ZNF491: variants seen among roughly 807,000 people sequenced by gnomAD.
ZNF491 encodes the protein zinc finger protein 491.
A neutral mutation model predicts 34.7 loss-of-function variants in ZNF491; 22 were observed. That is an observed-to-expected ratio of 0.63 (90% CI 0.45 to 0.90). The LOEUF (loss-of-function observed/expected upper bound fraction) is 0.90. Among genes scored for constraint, ZNF491 ranks in the 40% least tolerant of loss-of-function variants. ZNF491 has a pLI of 0.00. For synonymous variants in ZNF491, 148 were observed against 174.3 expected, an observed-to-expected ratio of 0.85 and a Z score of 1.19; for missense variants, 559 against 531.7, an observed-to-expected ratio of 1.05 and a Z score of -0.51.
At position 11,806,433 on chromosome 19, in the gene ZNF491, A is replaced by G; in HGVS notation, c.480A>G (p.Glu160=). The change falls in exon 3 of 3, where the codon GAA becomes GAG. Residue 160 remains glutamate (E), a synonymous_variant. Coordinates refer to ENST00000323169, the MANE Select transcript of ZNF491 (RefSeq NM_152356.4). ...CTCACACTGGAGAGAAACGATATGAATGTAAACAATGTGGTAAAGCCTTCA... is the reference window on the plus strand; with the variant it reads ...CTCACACTGGAGAGAAACGATATGAGTGTAAACAATGTGGTAAAGCCTTCA... The part of the protein sequence containing the change: ...ERTHTGEKRY[E]CKQCGKAFSW... The G allele has an allele frequency of 1.2e-6, 2 of 1,613,352 alleles. No homozygotes were observed. The highest frequency in any genetic ancestry group is 1.3e-5 in the African/African-American group (1 of 74,996).
rs773448469 is a variant in ZNF491 at position 11,807,095 on chromosome 19, A to C, written c.1142A>C (p.Lys381Thr). 6.2e-7 allele frequency: 1 copy of C among 1,609,694 alleles called. No individual in the cohort carries two copies. The highest frequency in any genetic ancestry group is 8.5e-7 in the Non-Finnish European group (1 of 1,178,616). The change falls in exon 3 of 3, where the codon AAA becomes ACA. Residue 381 changes from lysine to threonine, a missense_variant. Lys to Thr is a moderately conservative substitution (Grantham distance 78). Coordinates refer to ENST00000323169, the MANE Select transcript of ZNF491 (RefSeq NM_152356.4). The stretch of plus-strand genomic sequence containing the variant: ...CATGAAAGGACTCACGCTGGAGAAA[A>C]ACCTTATGAATGTAAGCATTGTGGG... ...HRHERTHAGE[K>T]PYECKHCGKA...
At chr19:11,805,409 C>CAAAAA (rs971587205) in intron 2 of ZNF491, among the ~76,000 whole-genome samples, 5 of 48,928 alleles carry the variant, frequency 1.0e-4, no homozygotes, top group East Asian at 5.7e-4. Flanking sequence ...AACTCCGTCT[C>CAAAAA]AAAAAAAAAA....
chr19:11,806,237 G>A lies in ZNF491; in HGVS notation c.284G>A (p.Arg95Lys). 6.2e-7 allele frequency: 1 copy of A among 1,612,262 alleles called. No individual in the cohort carries two copies. Among genetic ancestry groups the A allele is most frequent in the Non-Finnish European group, 8.5e-7 (1 of 1,179,580 alleles). The change falls in exon 3 of 3, where the codon AGG becomes AAG. Residue 95 changes from arginine (R) to lysine (K), a missense_variant. Transcript: ENST00000323169. ...SHSHCFRTHE[R>K]PHTREKPFDC... ...AGCCACTGCTTTCGAACACATGAAAGGCCTCACACTAGAGAGAAACCTTTT... is the reference window on the plus strand; with the variant it reads ...AGCCACTGCTTTCGAACACATGAAAAGCCTCACACTAGAGAGAAACCTTTT...
chr19:11,806,933 A>T lies in ZNF491; in HGVS notation c.980A>T (p.Asp327Val). 1 of 1,613,372 alleles carries T rather than the reference A, an allele frequency of 6.2e-7. No homozygotes were observed. Residue 327 changes from aspartate to valine, a missense_variant, in exon 3 of 3, where the codon GAT becomes GTT. Asp to Val is a radical substitution (Grantham distance 152, BLOSUM62 -3). Coordinates refer to ENST00000323169, the MANE Select transcript of ZNF491 (RefSeq NM_152356.4). ...AGGACTCACACTGGAGAGAAACCCGATGGGTGTAAGCAATGTGGGAAAGCC... is the reference window on the plus strand; with the variant it reads ...AGGACTCACACTGGAGAGAAACCCGTTGGGTGTAAGCAATGTGGGAAAGCC... ...HERTHTGEKP[D>V]GCKQCGKAFR...
At position 11,805,886 on chromosome 19, in the gene ZNF491, T is replaced by C. The variant is rs1975604034; in HGVS notation, c.-7-61T>C. On this transcript the variant is annotated intron_variant, in intron 2 of 2. Transcript: ENST00000323169. The stretch of plus-strand genomic sequence containing the variant: ...ATTAAAAATGCAAGTGTAATACTTA[T>C]TAACAAATATTAAATCGCTTATAAA... 9.0e-6 allele frequency: 12 copies of C among 1,334,830 alleles called. 1 individual carries two copies. The highest frequency in any genetic ancestry group is 1.2e-5 in the Non-Finnish European group (12 of 975,128). 82.7% of individuals were successfully genotyped at this position (1,334,830 alleles called of 1,614,324 possible). A position where few individuals can be genotyped will look rare whatever the true frequency, so the allele number is the denominator to read the frequency against.
In ZNF491 at chr19:11,806,450, A is replaced by G. The variant is rs1277588083; in HGVS notation, c.497A>G (p.Lys166Arg). ...EKRYECKQCGKAFSWHSSVRI... is the reference protein window; with the variant it reads ...EKRYECKQCGRAFSWHSSVRI... ...CGATATGAATGTAAACAATGTGGTA[A>G]AGCCTTCAGTTGGCACAGTTCTGTT... The change falls in exon 3 of 3, where the codon AAA becomes AGA. Residue 166 changes from lysine (K) to arginine (R), a missense_variant. Lys to Arg is a conservative substitution (Grantham distance 26, BLOSUM62 2). Transcript: ENST00000323169. 2 of 1,613,368 alleles carry G rather than the reference A, an allele frequency of 1.2e-6. No homozygotes were observed. The highest frequency in any genetic ancestry group is 1.7e-6 in the Non-Finnish European group (2 of 1,179,712).
At chr19:11,801,959 G>A (rs959631614) in intron 1 of ZNF491, among the ~76,000 whole-genome samples, 2 of 152,106 alleles carry the variant, frequency 1.3e-5, no homozygotes, top group African/African-American at 4.8e-5. Context: ...CCTGTTGGGT[G>A]TTGTGAACAA....
rs1975607054 is a variant in ZNF491, at chr19:11,806,087, T to C, written c.134T>C (p.Ile45Thr). The part of the protein sequence containing the change: ...KSCESGTCGE[I>T]FMGYSSFNRN... ...TGTGAAAGTGGTACATGTGGAGAAA[T>C]CTTCATGGGATATTCATCCTTTAAT... The change falls in exon 3 of 3, where the codon ATC (isoleucine) becomes ACC (threonine). Residue 45 changes from isoleucine to threonine, a missense_variant. By Grantham distance (89) the Ile-to-Thr change is moderately conservative. Coordinates refer to ENST00000323169, the MANE Select transcript of ZNF491 (RefSeq NM_152356.4). 1 of 1,613,858 alleles carries C rather than the reference T, an allele frequency of 6.2e-7. No individual in the cohort carries two copies. Among genetic ancestry groups the C allele is most frequent in the Middle Eastern group, 1.6e-4 (1 of 6,062 alleles).
In ZNF491 at chr19:11,807,500, G is replaced by T; in HGVS notation, c.*233G>T. On this transcript the variant is annotated 3_prime_UTR_variant, in exon 3 of 3. Coordinates refer to ENST00000323169, the MANE Select transcript of ZNF491 (RefSeq NM_152356.4). The stretch of plus-strand genomic sequence containing the variant: ...AGGAAGGCCTTAGTCACATTTTAGA[G>T]CCAGCCAAATTCACATGGGCTGTGT... 2.5e-6 allele frequency: 1 copy of T among 405,902 alleles called. No individual in the cohort carries two copies. The highest frequency in any genetic ancestry group is 4.5e-6 in the Non-Finnish European group (1 of 221,008). 25.1% of individuals were successfully genotyped at this position (405,902 alleles called of 1,614,324 possible).
chr19:11,802,592 A>G (rs1337415154), intron 1 of ZNF491, among the ~76,000 whole-genome samples: 1 of 152,140 alleles, frequency 6.6e-6, no homozygotes, highest in Non-Finnish European at 1.5e-5. Flanking sequence ...CACTTCATCA[A>G]TTACAATTTA....
chr19:11,805,921 A>G, intron 2 of ZNF491, 26 bp from the exon 3 acceptor site: 1 of 1,500,282 alleles, frequency 6.7e-7, no homozygotes, highest in Non-Finnish European at 9.0e-7. Flanking sequence ...ACAGACCCTT[A>G]ATTATGTGCT....
In ZNF491 at chr19:11,806,554, T is replaced by G; in HGVS notation, c.601T>G (p.Ser201Ala). 6.2e-7 allele frequency: 1 copy of G among 1,614,062 alleles called. No homozygotes were observed. The highest frequency in any genetic ancestry group is 1.1e-5 in the South Asian group (1 of 91,076). ...ECGKSFNFSS[S>A]FRRHERTHTG... ...TGGGAAATCATTCAATTTTTCCAGT[T>G]CCTTTCGCAGACATGAAAGGACACA... The change falls in exon 3 of 3, where the codon TCC (serine) becomes GCC (alanine). Residue 201 changes from serine (S) to alanine (A), a missense_variant. Physicochemically the swap from Ser to Ala is moderately conservative, Grantham distance 99. Transcript: ENST00000323169.
rs186703313 is a variant in ZNF491, at chr19:11,807,190, T to A, written c.1237T>A (p.Cys413Ser). Residue 413 changes from cysteine (C) to serine (S), a missense_variant, in exon 3 of 3, where the codon TGT (cysteine) becomes AGT (serine). By Grantham distance (112) the Cys-to-Ser change is moderately radical (BLOSUM62 -1). Transcript: ENST00000323169. ...TCACACTGGAGAGAAACCTTACCAATGTAAGGAATGTGGGAAAGCCTTCAT... is the reference window on the plus strand; with the variant it reads ...TCACACTGGAGAGAAACCTTACCAAAGTAAGGAATGTGGGAAAGCCTTCAT... ...RIHTGEKPYQCKECGKAFIRS... is the reference protein window; with the variant it reads ...RIHTGEKPYQSKECGKAFIRS... 2.5e-6 allele frequency: 4 copies of A among 1,598,208 alleles called. No individual in the cohort carries two copies. Among genetic ancestry groups the A allele is most frequent in the Non-Finnish European group, 3.4e-6 (4 of 1,174,006 alleles).
chr19:11,806,965 T>C lies in ZNF491; in HGVS notation c.1012T>C (p.Ser338Pro). The C allele has an allele frequency of 6.2e-7, 1 of 1,613,102 alleles. No homozygotes were observed. The highest frequency in any genetic ancestry group is 8.5e-7 in the Non-Finnish European group (1 of 1,179,642). ...TAAGCAATGTGGGAAAGCCTTCAGA[T>C]CTGCCAAGTACATTCGAATACATGG... Reference protein sequence around the residue: ...GCKQCGKAFRSAKYIRIHGRT... With the variant: ...GCKQCGKAFRPAKYIRIHGRT... Residue 338 changes from serine to proline, a missense_variant, in exon 3 of 3, where the codon TCT becomes CCT. Ser to Pro is a moderately conservative substitution (Grantham distance 74). Transcript: ENST00000323169.
At chr19:11,803,573 C>G (rs189657162) in intron 1 of ZNF491, among the ~76,000 whole-genome samples, 60 of 152,236 alleles carry the variant, frequency 3.9e-4, no homozygotes, top group Middle Eastern at 3.4e-3. Context: ...CTCAGTCTTC[C>G]CTTGTTTTTT....
At position 11,806,951 on chromosome 19, in the gene ZNF491, G is replaced by C. The variant is rs146374297; in HGVS notation, c.998G>C (p.Gly333Ala). ...AAACCCGATGGGTGTAAGCAATGTG[G>C]GAAAGCCTTCAGATCTGCCAAGTAC... is the stretch of plus-strand genomic sequence containing the variant. The part of the protein sequence containing the change: ...GEKPDGCKQC[G>A]KAFRSAKYIR... The change falls in exon 3 of 3, where the codon GGG becomes GCG. Residue 333 changes from glycine (G) to alanine (A), a missense_variant. Coordinates refer to ENST00000323169, the MANE Select transcript of ZNF491 (RefSeq NM_152356.4). The C allele has an allele frequency of 2.5e-5, 40 of 1,613,434 alleles. No individual in the cohort carries two copies. In the African/African-American group the frequency reaches 4.5e-4, roughly 18 times the overall value.
Position 11,798,928 on chromosome 19 carries a change from C to G in ZNF491, c.-134+201C>G, listed in dbSNP as rs574164327. Among the ~76,000 whole-genome samples, 12 of 152,314 alleles carry G rather than the reference C, an allele frequency of 7.9e-5. No individual in the cohort carries two copies. Among genetic ancestry groups the G allele is most frequent in the African/African-American group, 2.9e-4 (12 of 41,582 alleles). On this transcript the variant is annotated intron_variant, in intron 1 of 2. Transcript: ENST00000323169. The surrounding 1 kb of genome is among the most constrained non-coding windows in gnomAD (Gnocchi z 4.0). ...GCAGCTGGGACCCCGGGCGTCCTGT[C>G]CCGTCCCTACGCGGCGACTGCGGCC...
rs1417007089 is a variant in ZNF491, at chr19:11,807,596, A to C, written c.*329A>C. 1 of 250,478 alleles carries C rather than the reference A, an allele frequency of 4.0e-6. No individual in the cohort carries two copies. Among genetic ancestry groups the C allele is most frequent in the Non-Finnish European group, 8.1e-6 (1 of 122,736 alleles). 15.5% of individuals were successfully genotyped at this position (250,478 alleles called of 1,614,324 possible). Reference sequence around the variant, plus strand: ...TCAAGAGTATCCTCCAAATCTCTTGACTTTCCTTTTTTCAGAGGTGTAGGT... The same window carrying C: ...TCAAGAGTATCCTCCAAATCTCTTGCCTTTCCTTTTTTCAGAGGTGTAGGT... On this transcript the variant is annotated 3_prime_UTR_variant, in exon 3 of 3. Transcript: ENST00000323169.
In ZNF491 at chr19:11,806,323, A is replaced by G. The variant is rs1180009210; in HGVS notation, c.370A>G (p.Thr124Ala). The G allele has an allele frequency of 6.2e-7, 1 of 1,611,288 alleles. No homozygotes were observed. Among genetic ancestry groups the G allele is most frequent in the Non-Finnish European group, 8.5e-7 (1 of 1,179,024 alleles). ...TGCAAGCATTCGAAGATATATGGTAACGCACAGTGGAGATGGACCTTATAA... is the reference window on the plus strand; with the variant it reads ...TGCAAGCATTCGAAGATATATGGTAGCGCACAGTGGAGATGGACCTTATAA... ...SPASIRRYMV[T>A]HSGDGPYKCK... The change falls in exon 3 of 3, where the codon ACG becomes GCG. Residue 124 changes from threonine (T) to alanine (A), a missense_variant. Transcript: ENST00000323169.
Sources: allele counts gnomAD v4.1 joint callset (sites outside exome capture counted in the v4.1 genomes callset), GRCh38; gene constraint gnomAD v4.1.1; non-coding constraint Gnocchi (gnomAD v3.1); transcripts MANE v1.5; gene names NCBI Gene and HGNC (gene_info 2026-07-23, HGNC 2026-07-21).